The following COL5A3 variants were observed in gnomAD, a reference collection of about 807,000 sequenced individuals.
The protein encoded by COL5A3 is collagen type V alpha 3 chain, also known as collagen alpha-3(V) chain.
A neutral mutation model predicts 250.0 loss-of-function variants in COL5A3; 172 were observed. The ratio of observed to expected loss-of-function variants is 0.69; its 90% CI spans 0.61 to 0.78. COL5A3 has a LOEUF of 0.78. COL5A3 is among the 30% of genes least tolerant of loss of function. COL5A3 has a pLI of 0.00. For synonymous variants in COL5A3, 937 were observed against 900.4 expected (o/e 1.04, Z -0.73); for missense variants, 2,340 against 2,334.4 (o/e 1.00, Z -0.05).
In COL5A3 at chr19:9,979,892, C is replaced by T. The variant is rs201173156; in HGVS notation, c.2659G>A (p.Gly887Ser). The change falls in exon 37 of 67, where the codon GGT becomes AGT. Residue 887 changes from glycine (G) to serine (S), a missense_variant and splice_region_variant. Around this residue, in one of 3 missense-constraint regions of COL5A3, gnomAD observed 1,179 missense variants for 1,162.6 expected, o/e 1.01. Transcript: ENST00000264828. The part of the protein sequence containing the change: ...PGFPGPKGPP[G>S]HQGKDGRPGH... The stretch of plus-strand genomic sequence containing the variant: ...GGTCGCCCATCTTTACCTTGGTGAC[C>T]CTGGGGGATGAGGTGGGAAAAAGTT... 87 of 1,572,196 alleles carry T rather than the reference C, an allele frequency of 5.5e-5. No homozygotes were observed. The East Asian group carries it at 1.9e-3, about 34-fold the overall frequency.
At position 9,977,251 on chromosome 19, in the gene COL5A3, C is replaced by T. The variant is rs753263808; in HGVS notation, c.3266G>A (p.Ser1089Asn). 6 of 1,613,868 alleles carry T rather than the reference C, an allele frequency of 3.7e-6. No individual in the cohort carries two copies. The highest frequency in any genetic ancestry group is 5.1e-6 in the Non-Finnish European group (6 of 1,179,818). The change falls in exon 44 of 67, where the codon AGT becomes AAT. Residue 1089 changes from serine (S) to asparagine (N), a missense_variant. This residue lies in a region of COL5A3 where 1,179 missense variants were observed against 1,162.6 expected (regional missense o/e 1.01). Transcript: ENST00000264828. ...GDVGAPGHKG[S>N]KGDKGDAGPP... Reference sequence around the variant, plus strand: ...CACCGCGTCTCCTTTATCGCCTTTACTCCCCTTGTGTCCGGGGGCACCCAC... The same window carrying T: ...CACCGCGTCTCCTTTATCGCCTTTATTCCCCTTGTGTCCGGGGGCACCCAC...
At position 9,978,990 on chromosome 19, in the gene COL5A3, T is replaced by C. The variant is rs1369281000; in HGVS notation, c.2875-10A>G. On this transcript the variant is annotated splice_polypyrimidine_tract_variant and intron_variant, in intron 39 of 66. Transcript: ENST00000264828. ...GTGGTCCCAGTTCCCCCTACAGGAG[T>C]GCAAAGGAGGGAAGTCAAGCTCCAG... 3 of 1,541,846 alleles carry C rather than the reference T, an allele frequency of 1.9e-6. 1 individual carries two copies. Among genetic ancestry groups the C allele is most frequent in the Non-Finnish European group, 1.7e-6 (2 of 1,148,020 alleles).
chr19:9,978,768 C>T lies in COL5A3; in HGVS notation c.2964+123G>A, dbSNP rs574929069. On this transcript the variant is annotated intron_variant, in intron 40 of 66. Coordinates refer to ENST00000264828, the MANE Select transcript of COL5A3 (RefSeq NM_015719.4). ...TGAGGGGTCTGCCTTCCCCAGTTCC[C>T]TCCACCATTTTTTTTGCTTTCATCA... is the stretch of plus-strand genomic sequence containing the variant. 6.5e-6 allele frequency: 6 copies of T among 929,778 alleles called. No individual in the cohort carries two copies. The African/African-American group carries it at 1.0e-4, about 16-fold the overall frequency. The allele number at this position is 929,778 out of a possible 1,614,324, so 57.6% of individuals were successfully genotyped here.
intron 64 of COL5A3, among the ~76,000 whole-genome samples, chr19:9,965,739 C>A (rs1454913553): frequency 6.6e-6 from 1 of 152,188 alleles, no homozygotes; most frequent in Non-Finnish European, 1.5e-5. Flanking sequence ...CAGGCGTGAG[C>A]TACCACATCC....
At chr19:9,964,749 G>A (rs1409849185) in intron 64 of COL5A3, among the ~76,000 whole-genome samples, 1 of 151,582 alleles carries the variant, frequency 6.6e-6, no homozygotes, top group Non-Finnish European at 1.5e-5. Flanking sequence ...TGCAGGCCAG[G>A]TGCGGTGGCT....
chr19:10,005,724 G>A lies in COL5A3; in HGVS notation c.438-10C>T, dbSNP rs2087432090. The A allele has an allele frequency of 6.2e-7, 1 of 1,603,368 alleles. No individual in the cohort carries two copies. The highest frequency in any genetic ancestry group is 1.7e-5 in the Admixed American group (1 of 59,448). The stretch of plus-strand genomic sequence containing the variant: ...GGCCACACGGTGCCACCTGCAAGGG[G>A]ACGGCCTCAGTGCGGGTGCTTCTCA... On this transcript the variant is annotated splice_polypyrimidine_tract_variant and intron_variant, in intron 3 of 66. Transcript: ENST00000264828.
chr19:9,971,403 G>A (rs1056822869), intron 51 of COL5A3, 145 bp from the exon 52 acceptor site: 16 of 646,758 alleles, frequency 2.5e-5, no homozygotes, highest in South Asian at 2.0e-4. Flanking sequence ...TTGGTAGAGC[G>A]AACATTCTCG....
At chr19:10,005,742 G>A in intron 3 of COL5A3, 28 bp from the exon 4 acceptor site, 1 of 1,599,464 alleles carries the variant, frequency 6.3e-7, no homozygotes, top group African/African-American at 1.3e-5. Flanking sequence ...CAGTGCGGGT[G>A]CTTCTCACCC....
At chr19:9,999,469 C>CTG (rs554218169) in intron 8 of COL5A3, among the ~76,000 whole-genome samples, 1 of 120,400 alleles carries the variant, frequency 8.3e-6, no homozygotes, top group African/African-American at 3.4e-5. Flanking sequence ...TTTCTTTTTT[C>CTG]TTTTTTTTTT....
Position 9,968,877 on chromosome 19 carries a change from C to A in COL5A3, c.4153-149G>T. The A allele has an allele frequency of 1.4e-6, 1 of 721,688 alleles. No individual in the cohort carries two copies. The highest frequency in any genetic ancestry group is 2.3e-6 in the Non-Finnish European group (1 of 425,854). The allele number at this position is 721,688 out of a possible 1,614,324, so 44.7% of individuals were successfully genotyped here. A position where few individuals can be genotyped will look rare whatever the true frequency, so the allele number is the denominator to read the frequency against. On this transcript the variant is annotated intron_variant, in intron 57 of 66. Coordinates refer to ENST00000264828, the MANE Select transcript of COL5A3 (RefSeq NM_015719.4). This position sits in a 1 kb window ranked among gnomAD's most constrained non-coding sequence, Gnocchi z 4.1. ...TCAAGGGATGGTCAGAGTAGGCCAC[C>A]AAGGTGGGATGATGAGAGCTAATGA...
At chr19:9,992,778 AAAAC>A in intron 21 of COL5A3, 45 bp downstream of exon 21, 1 of 1,595,574 alleles carries the variant, frequency 6.3e-7, no homozygotes, top group Non-Finnish European at 8.6e-7. Context: ...CCCTAATCTC[AAAAC>A]AAACAAAAAG....
At chr19:9,974,656 C>T (rs2086895912) in intron 45 of COL5A3, among the ~76,000 whole-genome samples, 2 of 152,008 alleles carry the variant, frequency 1.3e-5, no homozygotes, top group African/African-American at 4.8e-5. Context: ...GGGCAGGGTT[C>T]AACTGGGGTT....
At chr19:9,999,553 C>T (rs11085525) in intron 8 of COL5A3, among the ~76,000 whole-genome samples, 2 of 148,202 alleles carry the variant, frequency 1.3e-5, no homozygotes, top group East Asian at 2.0e-4. Context: ...CTGCAAGCTC[C>T]GCCTCCCGGG....
chr19:9,962,764 C>T lies in COL5A3; in HGVS notation c.4851+55G>A. 3.5e-6 allele frequency: 5 copies of T among 1,428,364 alleles called. No homozygotes were observed. The South Asian group carries it at 6.0e-5, about 17-fold the overall frequency. 88.5% of individuals were successfully genotyped at this position (1,428,364 alleles called of 1,614,324 possible). Reference sequence around the variant, plus strand: ...CTCAGAACCCACCCCTCAAACCCCCCTGCTGGTTCCCATCAATTTTCATGT... The same window carrying T: ...CTCAGAACCCACCCCTCAAACCCCCTTGCTGGTTCCCATCAATTTTCATGT... On this transcript the variant is annotated intron_variant, in intron 65 of 66. Transcript: ENST00000264828.
chr19:9,971,944 A>C (rs2086854046), intron 51 of COL5A3, among the ~76,000 whole-genome samples: 2 of 151,216 alleles, frequency 1.3e-5, no homozygotes, highest in Non-Finnish European at 2.9e-5. Context: ...ATGTATAACC[A>C]CTGCACGTTT....
intron 44 of COL5A3, 126 bp from the exon 45 acceptor site, chr19:9,976,737 G>A (rs1157236630): frequency 1.6e-5 from 11 of 702,896 alleles, no homozygotes; most frequent in Non-Finnish European, 2.6e-5. Context: ...GGCAGCAACA[G>A]CTACATCCCC....
chr19:10,000,100 C>T (rs1202519051), intron 8 of COL5A3, among the ~76,000 whole-genome samples: 1 of 149,722 alleles, frequency 6.7e-6, no homozygotes, highest in African/African-American at 2.5e-5. Flanking sequence ...TCTCCCTGCC[C>T]TTAACATAAA....
rs368043662 is a variant in COL5A3, at chr19:9,986,641, C to T, written c.2191-35G>A. The T allele has an allele frequency of 3.1e-4, 497 of 1,613,782 alleles. 4 individuals carry two copies. The highest frequency in any genetic ancestry group is 8.2e-4 in the Middle Eastern group (5 of 6,084). On this transcript the variant is annotated intron_variant, in intron 28 of 66. Coordinates refer to ENST00000264828, the MANE Select transcript of COL5A3 (RefSeq NM_015719.4). ...AGAGACAGAGGCCAGAAGTGAGGGCCTCGGGGAAGGGACACAACCAGGACC... is the reference window on the plus strand; with the variant it reads ...AGAGACAGAGGCCAGAAGTGAGGGCTTCGGGGAAGGGACACAACCAGGACC...
In COL5A3 at chr19:9,968,357, T is replaced by G; in HGVS notation, c.4314+28A>C. 1 of 1,449,782 alleles carries G rather than the reference T, an allele frequency of 6.9e-7. No homozygotes were observed. The highest frequency in any genetic ancestry group is 9.6e-7 in the Non-Finnish European group (1 of 1,044,052). The allele number at this position is 1,449,782 out of a possible 1,614,324, so 89.8% of individuals were successfully genotyped here. Reference sequence around the variant, plus strand: ...CAACCGACCCCCTCCTTCAAATGCATTCTTCCCGCTCAGGTCAGGACACTC... The same window carrying G: ...CAACCGACCCCCTCCTTCAAATGCAGTCTTCCCGCTCAGGTCAGGACACTC... On this transcript the variant is annotated intron_variant, in intron 59 of 66. Transcript: ENST00000264828. This position sits in a 1 kb window ranked among gnomAD's most constrained non-coding sequence, Gnocchi z 4.1.
Sources: gnomAD v4.1 joint callset for allele counts (sites outside exome capture counted in the v4.1 genomes callset) on GRCh38, gnomAD v4.1.1 for gene constraint, gnomAD v4.1.1 regional missense constraint, Gnocchi (gnomAD v3.1) non-coding constraint, MANE v1.5 for transcripts, NCBI Gene and HGNC (gene_info 2026-07-23, HGNC 2026-07-21) for gene names.